The following NRXN1 variants were observed in gnomAD, a reference collection of about 807,000 sequenced individuals.
The protein encoded by NRXN1 is neurexin-1.
NRXN1 carries 39 observed loss-of-function variants against 150.9 expected under a neutral mutation model. That is an observed-to-expected ratio of 0.26 (90% CI 0.20 to 0.34). NRXN1 has a LOEUF of 0.34. Among genes scored for constraint, NRXN1 ranks in the 10% least tolerant of loss-of-function variants. NRXN1 has a pLI of 1.00. For synonymous variants in NRXN1, 924 were observed against 757.0 expected, an observed-to-expected ratio of 1.22 and a Z score of -3.62; for missense variants, 1,815 against 1,949.9, an observed-to-expected ratio of 0.93 and a Z score of 1.30.
intron 5 of NRXN1, among the ~76,000 whole-genome samples, chr2:50,908,627 A>T (rs1016246574): frequency 4.6e-5 from 7 of 150,942 alleles, no homozygotes; most frequent in Admixed American, 4.6e-4. Context: ...ACCAAAAAAT[A>T]AAATATGGAA....
At chr2:50,279,322 C>T (rs2071093961) in intron 17 of NRXN1, among the ~76,000 whole-genome samples, 1 of 152,072 alleles carries the variant, frequency 6.6e-6, no homozygotes, top group African/African-American at 2.4e-5. Flanking sequence ...ATAATAACAG[C>T]TTAAAAGTTA....
At chr2:50,194,382 G>C (rs899846711) in intron 18 of NRXN1, among the ~76,000 whole-genome samples, 1 of 152,028 alleles carries the variant, frequency 6.6e-6, no homozygotes, top group African/African-American at 2.4e-5. Context: ...CTGACCCTAA[G>C]GGCTAAATAT....
intron 18 of NRXN1, among the ~76,000 whole-genome samples, chr2:50,120,226 T>C (rs1054150714): frequency 6.6e-6 from 1 of 152,148 alleles, no homozygotes; most frequent in East Asian, 1.9e-4. Context: ...CAATATAAAA[T>C]TAAAATTTTA....
At position 50,850,575 on chromosome 2, in the gene NRXN1, C is replaced by T. The variant is rs1214548109; in HGVS notation, c.832+71294G>A. On this transcript the variant is annotated intron_variant, in intron 5 of 22. Transcript: ENST00000401669. ...ATCAAATTCCGCACATAAATTGAAA[C>T]CTACTAGCCTTTCTTAAAGATGCCC... Among the ~76,000 whole-genome samples, 3 of 152,114 alleles carry T rather than the reference C, an allele frequency of 2.0e-5. No individual in the cohort carries two copies. The East Asian group carries it at 5.8e-4, about 29-fold the overall frequency.
chr2:50,833,940 T>C (rs1671747502), intron 5 of NRXN1, among the ~76,000 whole-genome samples: 1 of 152,184 alleles, frequency 6.6e-6, no homozygotes, highest in African/African-American at 2.4e-5. Flanking sequence ...AGTAACTTAC[T>C]AGATACTCCA....
chr2:50,402,317 T>A (rs1256102946), intron 17 of NRXN1, among the ~76,000 whole-genome samples: 1 of 152,016 alleles, frequency 6.6e-6, no homozygotes, highest in Non-Finnish European at 1.5e-5. Context: ...GGTAGACTTA[T>A]TTGCTACATC....
chr2:50,407,146 A>G (rs115846168), intron 17 of NRXN1, among the ~76,000 whole-genome samples: 1,707 of 152,284 alleles, frequency 0.011, 29 homozygotes, highest in African/African-American at 0.039. Context: ...CATGGCCTCA[A>G]TATTCTACTC....
intron 2 of NRXN1, among the ~76,000 whole-genome samples, chr2:50,935,214 C>T (rs1688352975): frequency 6.6e-6 from 1 of 152,074 alleles, no homozygotes; most frequent in South Asian, 2.1e-4. Context: ...TAACATGGGC[C>T]TCTTTTTGAA....
chr2:50,836,452 T>C lies in NRXN1; in HGVS notation c.832+85417A>G, dbSNP rs111365562. On this transcript the variant is annotated intron_variant, in intron 5 of 22. Transcript: ENST00000401669. Reference sequence around the variant, plus strand: ...TTCTATCTATGGAAACTTTGTACTCTTTAATCAACATTCCCCTTTTGCCAT... The same window carrying C: ...TTCTATCTATGGAAACTTTGTACTCCTTAATCAACATTCCCCTTTTGCCAT... 3.9e-3 allele frequency among the ~76,000 whole-genome samples: 600 copies of C among 152,224 alleles called. 6 individuals are homozygous for C. Among genetic ancestry groups the C allele is most frequent in the African/African-American group, 0.014 (569 of 41,564 alleles).
intron 17 of NRXN1, among the ~76,000 whole-genome samples, chr2:50,319,724 G>A (rs1164760509): frequency 6.6e-6 from 1 of 151,938 alleles, no homozygotes; most frequent in Non-Finnish European, 1.5e-5. Flanking sequence ...CAGTGGCACC[G>A]TAGCACCTCA....
At chr2:50,970,350 A>T (rs1303825300) in intron 2 of NRXN1, among the ~76,000 whole-genome samples, 1 of 152,016 alleles carries the variant, frequency 6.6e-6, no homozygotes, top group Non-Finnish European at 1.5e-5. Flanking sequence ...TCATTTGGTG[A>T]TATTGTTTTC....
intron 21 of NRXN1, among the ~76,000 whole-genome samples, chr2:50,050,691 T>C (rs1217505835): frequency 6.6e-6 from 1 of 152,050 alleles, no homozygotes; most frequent in Non-Finnish European, 1.5e-5. Flanking sequence ...TATTACTGTA[T>C]TTAGAGGACA....
At chr2:50,980,645 T>A (rs1232730123) in intron 2 of NRXN1, among the ~76,000 whole-genome samples, 1 of 152,082 alleles carries the variant, frequency 6.6e-6, no homozygotes, top group African/African-American at 2.4e-5. Context: ...AGTAAATAAA[T>A]GTACACAATA....
chr2:50,656,846 A>G (rs1349284500), intron 5 of NRXN1, among the ~76,000 whole-genome samples: 1 of 152,058 alleles, frequency 6.6e-6, no homozygotes, highest in African/African-American at 2.4e-5. Flanking sequence ...CATTGAAATT[A>G]ATTCACTGGT....
At chr2:50,398,895 A>G (rs1384481530) in intron 17 of NRXN1, among the ~76,000 whole-genome samples, 1 of 152,122 alleles carries the variant, frequency 6.6e-6, no homozygotes, top group Non-Finnish European at 1.5e-5. Flanking sequence ...TCATGCAGTC[A>G]TTTGTTTCTA....
At chr2:50,962,217 A>G (rs923041313) in intron 2 of NRXN1, among the ~76,000 whole-genome samples, 2 of 151,642 alleles carry the variant, frequency 1.3e-5, no homozygotes, top group African/African-American at 2.4e-5. Flanking sequence ...CACAATTGAG[A>G]TGTTCCTGCA....
At chr2:50,755,825 C>A (rs1304091623) in intron 5 of NRXN1, among the ~76,000 whole-genome samples, 1 of 151,818 alleles carries the variant, frequency 6.6e-6, no homozygotes, top group Non-Finnish European at 1.5e-5. Context: ...TCTGCAGATC[C>A]TGAAGCTTTT....
intron 18 of NRXN1, among the ~76,000 whole-genome samples, chr2:50,118,132 G>A (rs1224051693): frequency 6.6e-6 from 1 of 152,210 alleles, no homozygotes; most frequent in East Asian, 1.9e-4. Flanking sequence ...GTACTTAACA[G>A]AATGTGTCCG....
chr2:50,034,061 A>T (rs1435435694), intron 21 of NRXN1, among the ~76,000 whole-genome samples: 1 of 152,082 alleles, frequency 6.6e-6, no homozygotes, highest in Non-Finnish European at 1.5e-5. Flanking sequence ...AAATTAGTTC[A>T]ACCATTGTGG....
Sources: allele counts gnomAD v4.1 joint callset (sites outside exome capture counted in the v4.1 genomes callset), GRCh38; gene constraint gnomAD v4.1.1; transcripts MANE v1.5; gene names NCBI Gene and HGNC (gene_info 2026-07-23, HGNC 2026-07-21).